Variants in RIN3 observed in about 807,000 individuals in gnomAD.
RIN3 encodes RAB5 interacting protein 3.
RIN3 carries 54 observed loss-of-function variants against 76.3 expected under a neutral mutation model. The ratio of observed to expected loss-of-function variants is 0.71; its 90% confidence interval spans 0.57 to 0.89. RIN3 has a LOEUF of 0.89. RIN3 is among the 40% of genes least tolerant of loss of function. The probability of loss-of-function intolerance (pLI) is 0.00; values close to 1 mark genes in which losing one functional copy is unlikely to be tolerated. For missense variants in RIN3, 1,256 were observed against 1,322.1 expected, an observed-to-expected ratio of 0.95 and a Z score of 0.78; for synonymous variants, 576 against 564.0, an observed-to-expected ratio of 1.02 and a Z score of -0.30.
chr14:92,518,335 G>A (rs914571839), intron 1 of RIN3, among the ~76,000 whole-genome samples: 4 of 152,198 alleles, frequency 2.6e-5, no homozygotes, highest in African/African-American at 9.7e-5. Flanking sequence ...CCAATGATAC[G>A]CTGATTGAAG....
chr14:92,630,786 A>G (rs1483664715), intron 4 of RIN3, among the ~76,000 whole-genome samples: 3 of 152,216 alleles, frequency 2.0e-5, no homozygotes, highest in African/African-American at 4.8e-5. Flanking sequence ...GTTTGTGAGT[A>G]GCTCAGAAGT....
chr14:92,552,214 C>T (rs1483825814), intron 1 of RIN3, among the ~76,000 whole-genome samples: 1 of 152,230 alleles, frequency 6.6e-6, no homozygotes, highest in Non-Finnish European at 1.5e-5. Context: ...GTGAGATGTA[C>T]AGTCCTCGTG....
chr14:92,517,570 C>A (rs1184953736), intron 1 of RIN3, among the ~76,000 whole-genome samples: 2 of 152,184 alleles, frequency 1.3e-5, no homozygotes, highest in East Asian at 3.9e-4. Flanking sequence ...GGGGGCCATG[C>A]GTTATCATCT....
Position 92,687,953 on chromosome 14 carries a change from C to G in RIN3, c.2659C>G (p.Pro887Ala). ...QDFICVSYLE[P>A]EQQARTLASR... is the part of the protein sequence containing the mutation. ...CTTCATCTGCGTGTCGTACCTGGAG[C>G]CCGAGCAGCAGGCGCGGACGCTGGC... Residue 887 changes from proline (P) to alanine (A), a missense_variant, in exon 10 of 10, where the codon CCC becomes GCC. This residue lies in a region of RIN3 where 218 missense variants were observed against 174.5 expected (regional missense o/e 1.25). Coordinates refer to ENST00000216487, the MANE Select transcript of RIN3 (RefSeq NM_024832.5). 6.4e-7 allele frequency: 1 copy of G among 1,552,202 alleles called. No individual in the cohort carries two copies. Among genetic ancestry groups the G allele is most frequent in the Non-Finnish European group, 8.7e-7 (1 of 1,148,932 alleles).
chr14:92,561,748 G>A (rs970443727), intron 2 of RIN3, among the ~76,000 whole-genome samples: 8 of 152,166 alleles, frequency 5.3e-5, no homozygotes, highest in African/African-American at 1.2e-4. Flanking sequence ...GCAGTGGCGC[G>A]ATCATGGCTC....
At chr14:92,526,012 G>A (rs569669118) in intron 1 of RIN3, among the ~76,000 whole-genome samples, 9 of 152,222 alleles carry the variant, frequency 5.9e-5, no homozygotes, top group Non-Finnish European at 1.2e-4. Context: ...GTAAACTCGT[G>A]GTGGGGGTGG....
At chr14:92,624,795 C>A (rs1886293637) in intron 4 of RIN3, among the ~76,000 whole-genome samples, 1 of 152,152 alleles carries the variant, frequency 6.6e-6, no homozygotes, top group African/African-American at 2.4e-5. Context: ...CTTTCCTTAG[C>A]TTTAGTTTGG....
intron 7 of RIN3, among the ~76,000 whole-genome samples, chr14:92,675,986 C>G (rs75930162): frequency 1.3e-5 from 2 of 151,958 alleles, no homozygotes; most frequent in Non-Finnish European, 2.9e-5. Context: ...GCACTGTTTA[C>G]GCCAAAAAAA....
chr14:92,586,557 A>T lies in RIN3; in HGVS notation c.367+9080A>T, dbSNP rs556265763. 22 of 152,148 alleles carry T rather than the reference A, an allele frequency of 1.4e-4. No homozygotes were observed. In the East Asian group the frequency reaches 3.5e-3, roughly 24 times the overall value. 9.4% of individuals were successfully genotyped at this position (152,148 alleles called of 1,614,324 possible). On this transcript the variant is annotated intron_variant, in intron 3 of 9. Coordinates refer to ENST00000216487, the MANE Select transcript of RIN3 (RefSeq NM_024832.5). ...AAAACTTCAGTGGTGAATTTCTTTT[A>T]AAAAAAATAGATCTTGAATCATAGT...
In RIN3 at chr14:92,595,117, C is replaced by T. The variant is rs1033016492; in HGVS notation, c.367+17640C>T. Among the ~76,000 whole-genome samples the T allele has an allele frequency of 9.9e-5, 15 of 152,104 alleles. 1 individual carries two copies. Among genetic ancestry groups the T allele is most frequent in the Non-Finnish European group, 1.3e-4 (9 of 68,022 alleles). The stretch of plus-strand genomic sequence containing the variant: ...TACTGAACCCTGGATCATGTTAAGG[C>T]GGTGTCTGTGTCCTCAAGGAGCTCA... On this transcript the variant is annotated intron_variant, in intron 3 of 9. Coordinates refer to ENST00000216487, the MANE Select transcript of RIN3 (RefSeq NM_024832.5).
intron 3 of RIN3, among the ~76,000 whole-genome samples, chr14:92,612,267 C>T (rs529224034): frequency 3.9e-5 from 6 of 152,012 alleles, no homozygotes; most frequent in African/African-American, 1.4e-4. Context: ...CCTAGGAACC[C>T]ACAGGCAAGA....
intron 1 of RIN3, among the ~76,000 whole-genome samples, chr14:92,553,711 A>T (rs1897500410): frequency 6.6e-6 from 1 of 152,030 alleles, no homozygotes; most frequent in African/African-American, 2.4e-5. Flanking sequence ...CCCCCGGAGG[A>T]TGTGGGAGGG....
intron 7 of RIN3, among the ~76,000 whole-genome samples, chr14:92,664,312 G>T (rs1370500189): frequency 6.7e-6 from 1 of 149,928 alleles, no homozygotes; most frequent in Admixed American, 6.6e-5. Flanking sequence ...CAGACCCTTT[G>T]TGAATTGTTA....
At chr14:92,665,531 A>G (rs559166658) in intron 7 of RIN3, among the ~76,000 whole-genome samples, 2 of 151,960 alleles carry the variant, frequency 1.3e-5, no homozygotes, top group African/African-American at 4.8e-5. Context: ...GGTGCCCACC[A>G]CCATGCCCGG....
chr14:92,609,484 G>A (rs1885644972), intron 3 of RIN3, among the ~76,000 whole-genome samples: 1 of 152,198 alleles, frequency 6.6e-6, no homozygotes, highest in African/African-American at 2.4e-5. Context: ...TGAGGGATAT[G>A]GGAGAATGTA....
At chr14:92,634,465 A>G (rs1886703507) in intron 4 of RIN3, among the ~76,000 whole-genome samples, 1 of 152,210 alleles carries the variant, frequency 6.6e-6, no homozygotes, top group African/African-American at 2.4e-5. Context: ...CACACACATC[A>G]GGAAGGTTGC....
chr14:92,649,531 G>A (rs530806229), intron 5 of RIN3, among the ~76,000 whole-genome samples: 1 of 152,030 alleles, frequency 6.6e-6, no homozygotes, highest in Non-Finnish European at 1.5e-5. Context: ...CACTCCAGGG[G>A]CCTGTGTAGA....
At chr14:92,675,949 C>T (rs912313552) in intron 7 of RIN3, among the ~76,000 whole-genome samples, 5 of 151,914 alleles carry the variant, frequency 3.3e-5, no homozygotes, top group Non-Finnish European at 7.4e-5. Flanking sequence ...GGGGTCTTTA[C>T]GTTTTAAAAG....
intron 7 of RIN3, among the ~76,000 whole-genome samples, chr14:92,666,486 A>G (rs1166776167): frequency 1.3e-5 from 2 of 152,118 alleles, no homozygotes; most frequent in African/African-American, 4.8e-5. Flanking sequence ...TTCTCCTGTC[A>G]CAAGTTTAGG....
Sources: allele counts gnomAD v4.1 joint callset (sites outside exome capture counted in the v4.1 genomes callset), GRCh38; gene constraint gnomAD v4.1.1; regional missense constraint gnomAD v4.1.1; transcripts MANE v1.5; gene names NCBI Gene and HGNC (gene_info 2026-07-23, HGNC 2026-07-21).